ZNF787: variants seen among roughly 807,000 people sequenced by gnomAD.
ZNF787 encodes TTF-I-interacting peptide 20.
A neutral mutation model predicts 16.9 loss-of-function variants in ZNF787; 7 were observed. That is an observed-to-expected ratio of 0.42 (90% CI 0.24 to 0.78). The LOEUF is 0.78. Ranked by LOEUF, ZNF787 falls within the 30% of genes least tolerant of loss-of-function variation. ZNF787 has a pLI of 0.30. For synonymous variants in ZNF787, 345 were observed against 270.9 expected (o/e 1.27, Z -2.69); for missense variants, 551 against 589.3 (o/e 0.94, Z 0.67).
At chr19:56,116,313 G>T (rs2030137336) in intron 1 of ZNF787, among the ~76,000 whole-genome samples, 1 of 152,012 alleles carries the variant, frequency 6.6e-6, no homozygotes, top group African/African-American at 2.4e-5. Context: ...ATGGTGGCGG[G>T]CGCCTGTAGT....
chr19:56,088,497 C>T lies in ZNF787; in HGVS notation c.675G>A (p.Glu225=). ...ASVRRAKGPE[E]AVAADGEIAI... is the part of the protein sequence containing the mutation. The stretch of plus-strand genomic sequence containing the variant: ...CGATCTCGCCGTCCGCCGCCACCGC[C>T]TCTTCGGGCCCCTTGGCCCGCCGGA... The change falls in exon 3 of 3, where the codon GAG becomes GAA. Residue 225 remains glutamate, a synonymous_variant. Transcript: ENST00000610935. The surrounding 1 kb of genome is among the most constrained non-coding windows in gnomAD (Gnocchi z 8.6). 5 of 1,385,414 alleles carry T rather than the reference C, an allele frequency of 3.6e-6. No homozygotes were observed. The highest frequency in any genetic ancestry group is 4.7e-6 in the Non-Finnish European group (5 of 1,073,936). 85.8% of individuals were successfully genotyped at this position (1,385,414 alleles called of 1,614,324 possible). A position where few individuals can be genotyped will look rare whatever the true frequency, so the allele number is the denominator to read the frequency against.
chr19:56,104,430 G>A (rs1337769737), intron 1 of ZNF787, among the ~76,000 whole-genome samples: 4 of 73,986 alleles, frequency 5.4e-5, no homozygotes, highest in East Asian at 4.8e-4. Context: ...GCCACGCACC[G>A]GGAGGGTCCC....
Position 56,088,538 on chromosome 19 carries a change from C to A in ZNF787, c.634G>T (p.Val212Leu). The A allele has an allele frequency of 1.4e-6, 2 of 1,456,006 alleles. No homozygotes were observed. Among genetic ancestry groups the A allele is most frequent in the Non-Finnish European group, 1.8e-6 (2 of 1,113,508 alleles). 90.2% of individuals were successfully genotyped at this position (1,456,006 alleles called of 1,614,324 possible). A position where few individuals can be genotyped will look rare whatever the true frequency, so the allele number is the denominator to read the frequency against. Residue 212 changes from valine to leucine, a missense_variant, in exon 3 of 3, where the codon GTG becomes TTG. Physicochemically the swap from Val to Leu is conservative, Grantham distance 32. This residue lies in a region of ZNF787 where 392 missense variants were observed against 312.7 expected (regional missense o/e 1.25). Coordinates refer to ENST00000610935, the MANE Select transcript of ZNF787 (RefSeq NM_001002836.4). The surrounding 1 kb of genome is among the most constrained non-coding windows in gnomAD (Gnocchi z 8.6). ...ELSGPGVAAK[V>L]LAASVRRAKG... ...GCCCGCCGGACGCTAGCCGCCAGCA[C>A]CTTGGCCGCCACGCCAGGCCCCGAC...
At chr19:56,110,426 G>C (rs79454497) in intron 1 of ZNF787, among the ~76,000 whole-genome samples, 6,491 of 151,258 alleles carry the variant, frequency 0.043, 190 homozygotes, top group Non-Finnish European at 0.062. Flanking sequence ...ACCTCTATTA[G>C]AAAGTAAACA....
At chr19:56,103,412 A>C (rs1986181944) in intron 1 of ZNF787, 185 bp from the exon 2 acceptor site, 1 of 497,810 alleles carries the variant, frequency 2.0e-6, no homozygotes, top group African/African-American at 2.0e-5. Context: ...TCCCCACTGC[A>C]GGGGCCAGCC....
intron 2 of ZNF787, among the ~76,000 whole-genome samples, chr19:56,100,636 AC>A (rs1986054933): frequency 1.6e-5 from 2 of 127,976 alleles, no homozygotes; most frequent in South Asian, 5.2e-4. Flanking sequence ...CCAGGCCAAC[AC>A]CCGCCACCCC....
chr19:56,104,673 A>G (rs1220053401), intron 1 of ZNF787, among the ~76,000 whole-genome samples: 2 of 152,136 alleles, frequency 1.3e-5, no homozygotes, highest in East Asian at 3.8e-4. Context: ...CGTGACTGTG[A>G]AAGTCTCTAC....
intron 2 of ZNF787, chr19:56,102,134 C>T (rs1409627607): frequency 6.6e-6 from 1 of 152,260 alleles, no homozygotes; most frequent in African/African-American, 2.4e-5. Flanking sequence ...CCAAACTTCA[C>T]CCCGGTCTTT....
At chr19:56,098,616 G>T (rs1008732467) in intron 2 of ZNF787, among the ~76,000 whole-genome samples, 1 of 139,372 alleles carries the variant, frequency 7.2e-6, no homozygotes, top group Admixed American at 6.9e-5. Context: ...TGCCGCCCGG[G>T]TGATTACGGC....
At chr19:56,110,637 G>C (rs2029953599) in intron 1 of ZNF787, among the ~76,000 whole-genome samples, 1 of 152,158 alleles carries the variant, frequency 6.6e-6, no homozygotes, top group African/African-American at 2.4e-5. Context: ...TTGCCAAGTG[G>C]TGATAATGTA....
chr19:56,094,629 C>A (rs1245644147), intron 2 of ZNF787, among the ~76,000 whole-genome samples: 1 of 152,160 alleles, frequency 6.6e-6, no homozygotes, highest in African/African-American at 2.4e-5. Context: ...CCCCTCGTTT[C>A]TGAGTTTGTG....
chr19:56,096,237 A>AAAAAAAAT (rs1985864591), intron 2 of ZNF787, among the ~76,000 whole-genome samples: 1 of 100,238 alleles, frequency 1.0e-5, no homozygotes, highest in Admixed American at 9.1e-5. Context: ...CTAAAAAAAT[A>AAAAAAAAT]AAAAAAATAA....
intron 1 of ZNF787, among the ~76,000 whole-genome samples, chr19:56,111,550 T>C (rs1199153837): frequency 6.6e-6 from 1 of 150,792 alleles, no homozygotes; most frequent in Admixed American, 6.6e-5. Flanking sequence ...AGCATAAGGG[T>C]CCACAAATTC....
In ZNF787 at chr19:56,115,826, C is replaced by G. The variant is rs547772836; in HGVS notation, c.-11+5346G>C. Among the ~76,000 whole-genome samples the G allele has an allele frequency of 6.6e-5, 10 of 152,304 alleles. No individual in the cohort carries two copies. In the South Asian group the frequency reaches 2.1e-3, roughly 32 times the overall value. ...GCAGTGTGTTGTGGAGACAGCGGGG[C>G]ACAGCCCGCAGGACTTGGTGCCTGC... is the stretch of plus-strand genomic sequence containing the variant. On this transcript the variant is annotated intron_variant, in intron 1 of 2. Coordinates refer to ENST00000610935, the MANE Select transcript of ZNF787 (RefSeq NM_001002836.4).
chr19:56,090,590 G>A (rs1196885301), intron 2 of ZNF787, among the ~76,000 whole-genome samples: 1 of 152,166 alleles, frequency 6.6e-6, no homozygotes, highest in Non-Finnish European at 1.5e-5. Context: ...AGGAGGCCGA[G>A]GTGGGCAGAT....
intron 1 of ZNF787, among the ~76,000 whole-genome samples, chr19:56,105,799 T>C (rs1297295396): frequency 6.6e-6 from 1 of 152,152 alleles, no homozygotes; most frequent in Non-Finnish European, 1.5e-5. Context: ...ATATTTAGTG[T>C]ATTCAGTTTT....
chr19:56,112,400 T>C (rs900600698), intron 1 of ZNF787, among the ~76,000 whole-genome samples: 1 of 152,184 alleles, frequency 6.6e-6, no homozygotes, highest in South Asian at 2.1e-4. Flanking sequence ...AGGAAGCACC[T>C]GGAGCACGGG....
intron 1 of ZNF787, among the ~76,000 whole-genome samples, chr19:56,107,442 A>AAGGGTCACTGGGAGAAACG (rs1214482600): frequency 2.7e-5 from 4 of 147,786 alleles, no homozygotes; most frequent in South Asian, 2.1e-4. Flanking sequence ...CAGAAGACAT[A>AAGGGTCACTGGGAGAAACG]AGGGTCACTG....
At chr19:56,089,678 G>A (rs970159143) in intron 2 of ZNF787, among the ~76,000 whole-genome samples, 1 of 152,164 alleles carries the variant, frequency 6.6e-6, no homozygotes. Context: ...CCCCACCTCC[G>A]AACCTGGGAG....
Sources: gnomAD v4.1 joint callset for allele counts (sites outside exome capture counted in the v4.1 genomes callset) on GRCh38, gnomAD v4.1.1 for gene constraint, gnomAD v4.1.1 regional missense constraint, Gnocchi (gnomAD v3.1) non-coding constraint, MANE v1.5 for transcripts, NCBI Gene and HGNC (gene_info 2026-07-23, HGNC 2026-07-21) for gene names.